XPC: variants seen among roughly 807,000 people sequenced by gnomAD.
XPC encodes XPC complex subunit, DNA damage recognition and repair factor.
A neutral mutation model predicts 95.8 loss-of-function variants in XPC; 76 were observed. The observed-to-expected ratio is 0.79, with a 90% confidence interval of 0.66 to 0.96. The LOEUF is 0.96. Ranked by LOEUF, XPC falls within the 40% of genes least tolerant of loss-of-function variation. XPC has a pLI of 0.00. For missense variants in XPC, 1,146 were observed against 1,179.8 expected (o/e 0.97, Z 0.42); for synonymous variants, 442 against 442.1 (o/e 1.00, Z 0.00).
chr3:14,151,109 G>A lies in XPC; in HGVS notation c.2115+1226C>T, dbSNP rs1282478492. 1.3e-5 allele frequency among the ~76,000 whole-genome samples: 2 copies of A among 152,156 alleles called. 1 individual carries two copies. Among genetic ancestry groups the A allele is most frequent in the Non-Finnish European group, 2.9e-5 (2 of 68,034 alleles). ...GGATCAGAACAAGGGGTGAATTTGAGAGATTTGGGATTCCAGAACTGTGCT... is the reference window on the plus strand; with the variant it reads ...GGATCAGAACAAGGGGTGAATTTGAAAGATTTGGGATTCCAGAACTGTGCT... On this transcript the variant is annotated intron_variant, in intron 11 of 15. Coordinates refer to ENST00000285021, the MANE Select transcript of XPC (RefSeq NM_004628.5).
chr3:14,149,052 C>A, intron 11 of XPC, 104 bp from the exon 12 acceptor site: 2 of 1,510,564 alleles, frequency 1.3e-6, no homozygotes, highest in Non-Finnish European at 1.8e-6. Context: ...CTGGTGAACC[C>A]TCAGAACACA....
Position 14,146,142 on chromosome 3 carries a change from G to T in XPC, c.2622C>A (p.Pro874=). ...RYGPKSEAAA[P]HTDAGGGLSS... ...AGAGTCCACCTCCTGCATCTGTGTGGGGAGCTGCTGCCTCACTCTGGACAG... is the reference window on the plus strand; with the variant it reads ...AGAGTCCACCTCCTGCATCTGTGTGTGGAGCTGCTGCCTCACTCTGGACAG... Residue 874 remains proline (P), a synonymous_variant, in exon 16 of 16, where the codon CCC becomes CCA. Coordinates refer to ENST00000285021, the MANE Select transcript of XPC (RefSeq NM_004628.5). The T allele has an allele frequency of 6.2e-7, 1 of 1,609,086 alleles. No individual in the cohort carries two copies. Among genetic ancestry groups the T allele is most frequent in the Non-Finnish European group, 8.5e-7 (1 of 1,178,572 alleles).
intron 1 of XPC, among the ~76,000 whole-genome samples, chr3:14,175,455 A>G (rs1696775541): frequency 6.6e-6 from 1 of 151,678 alleles, no homozygotes; most frequent in Non-Finnish European, 1.5e-5. Context: ...GTTTTTTTTT[A>G]ACTTGTTATC....
At chr3:14,160,023 G>A in intron 7 of XPC, 193 bp from the exon 8 acceptor site, 2 of 538,166 alleles carry the variant, frequency 3.7e-6, no homozygotes, top group South Asian at 5.5e-5. Context: ...TAGAAGAACA[G>A]GAACATGCTC....
chr3:14,177,993 G>A (rs948922103), intron 1 of XPC, among the ~76,000 whole-genome samples: 11 of 152,218 alleles, frequency 7.2e-5, no homozygotes, highest in Non-Finnish European at 1.0e-4. Context: ...AAAACCATGA[G>A]TTCTGCATTG....
intron 7 of XPC, among the ~76,000 whole-genome samples, chr3:14,160,527 A>C (rs1559377184): frequency 6.6e-6 from 1 of 152,214 alleles, no homozygotes; most frequent in Non-Finnish European, 1.5e-5. Flanking sequence ...CCGGTGTGAG[A>C]AGCCATTGTT....
chr3:14,146,010 A>ACC lies in XPC; in HGVS notation c.2752_2753dup (p.Gly919ValfsTer29), dbSNP rs1424703835. On this transcript the variant is annotated frameshift_variant, in exon 16 of 16. Coordinates refer to ENST00000285021, the MANE Select transcript of XPC (RefSeq NM_004628.5). LOFTEE classifies it high-confidence loss of function. ...TTTCCCTTTTGGTCTTCTTGGGCCC[A>ACC]CCCTTCAGCTTCTGCTTTTCTTCAT... The ACC allele has an allele frequency of 2.5e-6, 4 of 1,608,828 alleles. No homozygotes were observed. The highest frequency in any genetic ancestry group is 3.4e-6 in the Non-Finnish European group (4 of 1,177,512).
intron 5 of XPC, 128 bp from the exon 6 acceptor site, chr3:14,165,713 T>A: frequency 1.8e-6 from 2 of 1,134,582 alleles, no homozygotes; most frequent in Non-Finnish European, 2.5e-6. Context: ...TATAAGAAAG[T>A]AAAAACACTA....
Position 14,152,594 on chromosome 3 carries a change from T to G in XPC, c.2034-178A>C, listed in dbSNP as rs3731149. ...TAGGCAAACAGCCTTGAACGTGGAC[T>G]GCCTGTCTTTTGGGGGATGTGTCCA... On this transcript the variant is annotated intron_variant, in intron 10 of 15. Coordinates refer to ENST00000285021, the MANE Select transcript of XPC (RefSeq NM_004628.5). The G allele has an allele frequency of 0.22, 117,369 of 545,788 alleles. 13,683 individuals are homozygous for G. The highest frequency in any genetic ancestry group is 0.24 in the South Asian group (9,159 of 38,108). The allele number at this position is 545,788 out of a possible 1,614,324, so 33.8% of individuals were successfully genotyped here.
chr3:14,177,847 T>A (rs951200370), intron 1 of XPC, among the ~76,000 whole-genome samples: 1 of 118,960 alleles, frequency 8.4e-6, no homozygotes, highest in African/African-American at 3.2e-5. Context: ...AGTGGACAAA[T>A]TTGAAATACA....
Position 14,146,056 on chromosome 3 carries a change from G to A in XPC, c.2708C>T (p.Ser903Phe). 5 of 1,612,914 alleles carry A rather than the reference G, an allele frequency of 3.1e-6. No individual in the cohort carries two copies. Among genetic ancestry groups the A allele is most frequent in the Non-Finnish European group, 4.2e-6 (5 of 1,179,576 alleles). ...TTCATCTTCTCGGTTTTGAGGCCAG[G>A]AGGCAGCCAGTATCCTGGCCGCTTC... ...QAEAARILAA[S>F]WPQNREDEEK... The change falls in exon 16 of 16, where the codon TCC (serine) becomes TTC (phenylalanine). Residue 903 changes from serine to phenylalanine, a missense_variant. Transcript: ENST00000285021.
chr3:14,176,264 A>G (rs1331697727), intron 1 of XPC, among the ~76,000 whole-genome samples: 1 of 152,218 alleles, frequency 6.6e-6, no homozygotes, highest in Non-Finnish European at 1.5e-5. Context: ...TAATTGCCAT[A>G]TATCCAAATT....
At chr3:14,160,463 G>C (rs188888637) in intron 7 of XPC, among the ~76,000 whole-genome samples, 2 of 152,206 alleles carry the variant, frequency 1.3e-5, no homozygotes, top group African/African-American at 4.8e-5. Context: ...TCCTACACGG[G>C]TCTCCAGGTC....
At chr3:14,167,127 A>G (rs369865034) in intron 5 of XPC, 42 bp downstream of exon 5, 42 of 1,513,488 alleles carry the variant, frequency 2.8e-5, no homozygotes, top group Non-Finnish European at 3.2e-5. Flanking sequence ...AGCTCTTTGC[A>G]CCGACAAGGA....
intron 11 of XPC, chr3:14,149,458 T>G (rs993613417): frequency 6.5e-6 from 1 of 154,614 alleles, no homozygotes; most frequent in African/African-American, 2.4e-5. Context: ...ATTCTCGGTG[T>G]TTTTTGTTTT....
In XPC at chr3:14,158,094, G is replaced by A. The variant is rs753379728; in HGVS notation, c.1789C>T (p.Arg597Trp). 1.1e-5 allele frequency: 17 copies of A among 1,613,800 alleles called. No homozygotes were observed. The highest frequency in any genetic ancestry group is 5.3e-5 in the African/African-American group (4 of 74,892). The change falls in exon 9 of 16, where the codon CGG (arginine) becomes TGG (tryptophan). Residue 597 changes from arginine to tryptophan, a missense_variant. Coordinates refer to ENST00000285021, the MANE Select transcript of XPC (RefSeq NM_004628.5). This position sits in a 1 kb window ranked among gnomAD's most constrained non-coding sequence, Gnocchi z 5.2. ...TCGGCCCACCACTCAGCATCAACCC[G>A]GCACTTGCGGGTCACTGTCATCCAG... is the stretch of plus-strand genomic sequence containing the variant. ...PVWMTVTRKC[R>W]VDAEWWAETL... is the part of the protein sequence containing the mutation.
rs1870134 is a variant in XPC, at chr3:14,178,523, G to C, written c.46C>G (p.Leu16Val). 0.016 allele frequency: 26,597 copies of C among 1,612,914 alleles called. 1,591 individuals are homozygous for C. In the East Asian group the frequency reaches 0.21, roughly 13 times the overall value. The change falls in exon 1 of 16, where the codon CTG becomes GTG. Residue 16 changes from leucine (L) to valine (V), a missense_variant. Coordinates refer to ENST00000285021, the MANE Select transcript of XPC (RefSeq NM_004628.5). Reference protein sequence around the residue: ...AAGGEPRGRELRSQKSKAKSK... With the variant: ...AAGGEPRGREVRSQKSKAKSK... ...TTGGCCTTGGATTTCTGGCTGCGCA[G>C]TTCGCGTCCCCGCGGCTCCCCGCCG... is the stretch of plus-strand genomic sequence containing the variant.
At chr3:14,148,418 C>T (rs1230315791) in intron 13 of XPC, 144 bp downstream of exon 13, 1 of 1,148,174 alleles carries the variant, frequency 8.7e-7, no homozygotes, top group East Asian at 2.6e-5. Flanking sequence ...AAAGCACTGA[C>T]TTTGCAAATC....
At chr3:14,173,525 A>G (rs2125046783) in intron 1 of XPC, among the ~76,000 whole-genome samples, 1 of 152,358 alleles carries the variant, frequency 6.6e-6, no homozygotes, top group African/African-American at 2.4e-5. Flanking sequence ...CCAACCTTCA[A>G]GACCAAACTG....
Sources: allele counts gnomAD v4.1 joint callset (sites outside exome capture counted in the v4.1 genomes callset), GRCh38; gene constraint gnomAD v4.1.1; non-coding constraint Gnocchi (gnomAD v3.1); transcripts MANE v1.5; gene names NCBI Gene and HGNC (gene_info 2026-07-23, HGNC 2026-07-21).